The following PTPRZ1 variants were observed in gnomAD, a reference collection of about 807,000 sequenced individuals.
The protein encoded by PTPRZ1 is receptor-type tyrosine-protein phosphatase zeta.
In PTPRZ1, 82 loss-of-function variants were observed where a neutral mutation model predicts 214.1. The ratio of observed to expected loss-of-function variants is 0.38; its 90% CI spans 0.32 to 0.46. The LOEUF (loss-of-function observed/expected upper bound fraction) is 0.46, where lower values mean the gene tolerates loss of function less well. Ranked by LOEUF, PTPRZ1 falls within the 20% of genes least tolerant of loss-of-function variation. The pLI, the probability that PTPRZ1 is intolerant of heterozygous loss-of-function variation, is 1.00. For missense variants in PTPRZ1, 2,603 were observed against 2,748.7 expected, an observed-to-expected ratio of 0.95 and a Z score of 1.19; for synonymous variants, 945 against 987.9, an observed-to-expected ratio of 0.96 and a Z score of 0.81.
intron 1 of PTPRZ1, among the ~76,000 whole-genome samples, chr7:121,919,198 A>AAAAATATTAAATATTAATAATAAT (rs1195657465): frequency 6.6e-6 from 1 of 152,100 alleles, no homozygotes; most frequent in Non-Finnish European, 1.5e-5. Flanking sequence ...TTGAATATTT[A>AAAAATATTAAATATTAATAATAAT]AAAAGTAATA....
intron 11 of PTPRZ1, among the ~76,000 whole-genome samples, chr7:122,008,679 C>G (rs1440741455): frequency 6.6e-6 from 1 of 152,000 alleles, no homozygotes; most frequent in East Asian, 1.9e-4. Context: ...GAAGGTTTGA[C>G]AGAGTTTTGG....
chr7:121,878,830 A>C (rs1794142639), intron 1 of PTPRZ1, among the ~76,000 whole-genome samples: 1 of 152,196 alleles, frequency 6.6e-6, no homozygotes, highest in Non-Finnish European at 1.5e-5. Flanking sequence ...CACTTACAGT[A>C]GGTGCCAATA....
chr7:121,898,054 CG>C (rs946716587), intron 1 of PTPRZ1, among the ~76,000 whole-genome samples: 1 of 151,740 alleles, frequency 6.6e-6, no homozygotes, highest in Non-Finnish European at 1.5e-5. Flanking sequence ...TGTACCACTT[CG>C]GTGGTACATT....
chr7:121,892,273 G>A lies in PTPRZ1; in HGVS notation c.58+18716G>A, dbSNP rs3801373. Among the ~76,000 whole-genome samples the A allele has an allele frequency of 5.3e-5, 8 of 151,978 alleles. No individual in the cohort carries two copies. In the South Asian group the frequency reaches 8.3e-4, roughly 16 times the overall value. ...GCAAATAAAATTATTTGGTTACAAC[G>A]TTTTTTCTTACAAAACATATGGTCC... On this transcript the variant is annotated intron_variant, in intron 1 of 29. Coordinates refer to ENST00000393386, the MANE Select transcript of PTPRZ1 (RefSeq NM_002851.3).
At chr7:122,017,268 T>C (rs1003843481) in intron 12 of PTPRZ1, among the ~76,000 whole-genome samples, 1 of 152,154 alleles carries the variant, frequency 6.6e-6, no homozygotes, top group African/African-American at 2.4e-5. Flanking sequence ...TCAGGTTATT[T>C]AGGTGACTAG....
At chr7:122,033,818 C>T (rs1175288641) in intron 15 of PTPRZ1, 2 of 429,406 alleles carry the variant, frequency 4.7e-6, no homozygotes, top group African/African-American at 4.1e-5. Flanking sequence ...TGTGGTTCCT[C>T]TCATCTGCAT....
At chr7:122,005,720 T>C (rs1406805432) in intron 11 of PTPRZ1, among the ~76,000 whole-genome samples, 1 of 151,900 alleles carries the variant, frequency 6.6e-6, no homozygotes, top group East Asian at 1.9e-4. Flanking sequence ...TTGTGCTGAG[T>C]TGTTAATTCA....
chr7:121,927,450 C>T (rs141817285), intron 1 of PTPRZ1, among the ~76,000 whole-genome samples: 73 of 152,304 alleles, frequency 4.8e-4, no homozygotes, highest in Non-Finnish European at 9.0e-4. Context: ...CTGGTTTTCA[C>T]CCATCTTCTT....
At chr7:121,998,797 A>G (rs1584727029) in intron 10 of PTPRZ1, among the ~76,000 whole-genome samples, 1 of 152,308 alleles carries the variant, frequency 6.6e-6, no homozygotes, top group East Asian at 1.9e-4. Flanking sequence ...GCATAAATAC[A>G]TACGTAAATA....
At position 122,013,546 on chromosome 7, in the gene PTPRZ1, A is replaced by G. The variant is rs146291043; in HGVS notation, c.4500A>G (p.Arg1500=). Residue 1500 remains arginine (R), a synonymous_variant, in exon 12 of 30, where the codon AGA becomes AGG. Transcript: ENST00000393386. Reference sequence around the variant, plus strand: ...CAGACAGTCAAACTGGTATGGACAGAAGTCCTGGTAAATCACCATCAGCAA... The same window carrying G: ...CAGACAGTCAAACTGGTATGGACAGGAGTCCTGGTAAATCACCATCAGCAA... The part of the protein sequence containing the change: ...VSSDSQTGMD[R]SPGKSPSANG... The G allele has an allele frequency of 1.1e-5, 17 of 1,614,080 alleles. No individual in the cohort carries two copies. In the African/African-American group the frequency reaches 2.3e-4, roughly 22 times the overall value.
intron 17 of PTPRZ1, 31 bp downstream of exon 17, chr7:122,034,409 C>G (rs751800204): frequency 6.3e-7 from 1 of 1,589,688 alleles, no homozygotes. Context: ...GCTCTGACTT[C>G]AATATCATTG....
At position 122,061,222 on chromosome 7, in the gene PTPRZ1, A is replaced by C; in HGVS notation, c.*2A>C. The C allele has an allele frequency of 6.3e-7, 1 of 1,583,172 alleles. No homozygotes were observed. Among genetic ancestry groups the C allele is most frequent in the Non-Finnish European group, 8.6e-7 (1 of 1,162,106 alleles). ...GAGAGCTTAGAGTCTTTAGTTTAACACAGAAAGGGGTGGGGGAACTCACAT... is the reference window on the plus strand; with the variant it reads ...GAGAGCTTAGAGTCTTTAGTTTAACCCAGAAAGGGGTGGGGGAACTCACAT... On this transcript the variant is annotated 3_prime_UTR_variant, in exon 30 of 30. Transcript: ENST00000393386.
At chr7:122,021,869 T>G (rs1799026429) in intron 13 of PTPRZ1, among the ~76,000 whole-genome samples, 1 of 152,236 alleles carries the variant, frequency 6.6e-6, no homozygotes, top group Non-Finnish European at 1.5e-5. Context: ...TAACATCTGT[T>G]TGAAGTTAAT....
At chr7:121,991,298 T>C (rs1797954334) in intron 8 of PTPRZ1, among the ~76,000 whole-genome samples, 1 of 152,218 alleles carries the variant, frequency 6.6e-6, no homozygotes, top group Admixed American at 6.5e-5. Flanking sequence ...ACAGTGAGTA[T>C]GGTATACTAT....
At chr7:122,059,096 CAT>C (rs1792476725) in intron 28 of PTPRZ1, among the ~76,000 whole-genome samples, 154 bp downstream of exon 28, 2 of 87,164 alleles carry the variant, frequency 2.3e-5, no homozygotes, top group African/African-American at 1.0e-4. Context: ...TAACACAGAA[CAT>C]TTTTTTTTTT....
intron 8 of PTPRZ1, among the ~76,000 whole-genome samples, chr7:121,987,905 G>A (rs968272169): frequency 6.6e-6 from 1 of 152,156 alleles, no homozygotes; most frequent in Non-Finnish European, 1.5e-5. Flanking sequence ...AATCCTAAGT[G>A]AACTAATGCA....
At chr7:121,903,967 C>CACACACAG (rs377167465) in intron 1 of PTPRZ1, among the ~76,000 whole-genome samples, 26,493 of 82,976 alleles carry the variant, frequency 0.32, 2,353 homozygotes, top group African/African-American at 0.43. Flanking sequence ...CTTTAAATCT[C>CACACACAG]ACACACACAC....
At chr7:121,877,441 T>G (rs1794095923) in intron 1 of PTPRZ1, among the ~76,000 whole-genome samples, 2 of 152,204 alleles carry the variant, frequency 1.3e-5, no homozygotes, top group South Asian at 4.1e-4. Context: ...ACTCTTGTAT[T>G]ACTTTTTTAT....
intron 1 of PTPRZ1, among the ~76,000 whole-genome samples, chr7:121,895,877 TC>T (rs1165786073): frequency 6.6e-6 from 1 of 152,174 alleles, no homozygotes; most frequent in African/African-American, 2.4e-5. Context: ...TCTCCTATCC[TC>T]CCCAGATACA....
Sources: gnomAD v4.1 joint callset for allele counts (sites outside exome capture counted in the v4.1 genomes callset) on GRCh38, gnomAD v4.1.1 for gene constraint, MANE v1.5 for transcripts, NCBI Gene and HGNC (gene_info 2026-07-23, HGNC 2026-07-21) for gene names.